Variants in PCLO observed in about 807,000 individuals in gnomAD.
PCLO encodes protein piccolo.
A neutral mutation model predicts 427.5 loss-of-function variants in PCLO; 82 were observed. The ratio of observed to expected loss-of-function variants is 0.19; its 90% CI spans 0.16 to 0.23. The LOEUF (loss-of-function observed/expected upper bound fraction) is 0.23, where lower values mean the gene tolerates loss of function less well. PCLO is among the 10% of genes least tolerant of loss of function. The pLI is 1.00. For synonymous variants in PCLO, 2,357 were observed against 2,155.4 expected (o/e 1.09, Z -2.59); for missense variants, 6,239 against 6,115.9 (o/e 1.02, Z -0.67).
In PCLO at chr7:82,951,709, C is replaced by A. The variant is rs767648557; in HGVS notation, c.9097+147G>T. 13 of 1,252,472 alleles carry A rather than the reference C, an allele frequency of 1.0e-5. 1 individual carries two copies. The highest frequency in any genetic ancestry group is 1.4e-5 in the Non-Finnish European group (13 of 931,880). The allele number at this position is 1,252,472 out of a possible 1,614,324, so 77.6% of individuals were successfully genotyped here. ...TTTAAAATGAAGGAACAAAAGCGCA[C>A]TTGTACTCCAAAATATGCTGCTATA... is the stretch of plus-strand genomic sequence containing the variant. On this transcript the variant is annotated intron_variant, in intron 5 of 24. Coordinates refer to ENST00000333891, the MANE Select transcript of PCLO (RefSeq NM_033026.6).
At chr7:82,975,904 C>T (rs997291101) in intron 3 of PCLO, among the ~76,000 whole-genome samples, 8 of 152,302 alleles carry the variant, frequency 5.3e-5, no homozygotes, top group South Asian at 2.1e-4. Flanking sequence ...TTCTCCTTTG[C>T]CTTCTGCCAT....
intron 8 of PCLO, among the ~76,000 whole-genome samples, chr7:82,908,607 T>C (rs774011169): frequency 4.6e-5 from 7 of 152,124 alleles, no homozygotes; most frequent in African/African-American, 1.7e-4. Context: ...TCTTCTTGTA[T>C]AGCTGTGCTG....
chr7:83,069,636 G>C (rs1419935319), intron 3 of PCLO, among the ~76,000 whole-genome samples: 3 of 152,108 alleles, frequency 2.0e-5, no homozygotes, highest in African/African-American at 7.2e-5. Context: ...TGCAGAGAAA[G>C]ATAATGAATG....
chr7:82,844,933 C>T (rs1022758656), intron 13 of PCLO, among the ~76,000 whole-genome samples: 1 of 151,988 alleles, frequency 6.6e-6, no homozygotes, highest in South Asian at 2.1e-4. Context: ...GTAATATGTA[C>T]CTTTTGTTCC....
intron 3 of PCLO, among the ~76,000 whole-genome samples, chr7:83,125,894 A>T (rs1352507423): frequency 6.6e-6 from 1 of 150,972 alleles, no homozygotes; most frequent in African/African-American, 2.4e-5. Context: ...ATACTAAAAA[A>T]ATTAAAAAAA....
chr7:82,948,307 G>C (rs1236463240), intron 6 of PCLO, among the ~76,000 whole-genome samples: 2 of 143,936 alleles, frequency 1.4e-5, no homozygotes, highest in Non-Finnish European at 3.1e-5. Flanking sequence ...AAAAAAAAAC[G>C]TAATAACGCA....
At chr7:82,908,839 TGA>T in intron 8 of PCLO, 36 bp downstream of exon 8, 1 of 1,574,692 alleles carries the variant, frequency 6.4e-7, no homozygotes, top group Non-Finnish European at 8.7e-7. Flanking sequence ...GAGTCTTTTT[TGA>T]TAAATCTAAA....
intron 22 of PCLO, among the ~76,000 whole-genome samples, chr7:82,799,097 C>A (rs138434794): frequency 6.6e-6 from 1 of 152,234 alleles, no homozygotes; most frequent in East Asian, 1.9e-4. Context: ...CAGCTGTTAA[C>A]ATTTATACTA....
rs1562877769 is a variant in PCLO, at chr7:82,951,862, T to C, written c.9091A>G (p.Thr3031Ala). The C allele has an allele frequency of 1.2e-6, 2 of 1,611,962 alleles. No homozygotes were observed. The highest frequency in any genetic ancestry group is 1.1e-5 in the South Asian group (1 of 90,968). Residue 3031 changes from threonine to alanine, a missense_variant, in exon 5 of 25, where the codon ACT (threonine) becomes GCT (alanine). Coordinates refer to ENST00000333891, the MANE Select transcript of PCLO (RefSeq NM_033026.6). ...GCTGCCACATCATACTGACCTGTAG[T>C]AACTCTCCCTGAAGTCAGATCTACT... ...TAVDLTSGRV[T>A]TGEVMDYSSK... is the part of the protein sequence containing the mutation.
chr7:83,065,633 T>C (rs1789651041), intron 3 of PCLO, among the ~76,000 whole-genome samples: 1 of 152,096 alleles, frequency 6.6e-6, no homozygotes, highest in Admixed American at 6.6e-5. Context: ...CATAATACAT[T>C]ATTTTAGATA....
At chr7:82,819,474 A>G (rs979277340) in intron 20 of PCLO, among the ~76,000 whole-genome samples, 1 of 73,114 alleles carries the variant, frequency 1.4e-5, no homozygotes, top group South Asian at 4.5e-4. Flanking sequence ...TTTATAATTG[A>G]AAGAATATTT....
chr7:82,901,078 A>G (rs1794026810), intron 9 of PCLO, among the ~76,000 whole-genome samples: 1 of 151,836 alleles, frequency 6.6e-6, no homozygotes. Flanking sequence ...CAGTGACTGT[A>G]TTTCTTAATA....
chr7:83,007,845 T>C (rs998693347), intron 3 of PCLO, among the ~76,000 whole-genome samples: 2 of 151,556 alleles, frequency 1.3e-5, no homozygotes, highest in Non-Finnish European at 3.0e-5. Context: ...GTTATTAGGA[T>C]TATGTGATAA....
intron 3 of PCLO, among the ~76,000 whole-genome samples, chr7:83,088,640 CATTGAATGCGG>C (rs1790299167): frequency 6.6e-6 from 1 of 152,176 alleles, no homozygotes; most frequent in Non-Finnish European, 1.5e-5. Context: ...TTTTCTTCCA[CATTGAATGCGG>C]ACCTCCTTGT....
Position 83,162,760 on chromosome 7 carries a change from T to G in PCLO, c.-168A>C. The stretch of plus-strand genomic sequence containing the variant: ...GCCGCCCGGAACGCCAGGCAGGGGT[T>G]AGTCCCGCTCGCAGGTAACGCCCGC... On this transcript the variant is annotated 5_prime_UTR_variant, in exon 1 of 25. An upstream open reading frame in the 5' UTR loses its in-frame stop. Transcript: ENST00000333891. 1.1e-5 allele frequency: 9 copies of G among 845,988 alleles called. No homozygotes were observed. Among genetic ancestry groups the G allele is most frequent in the Non-Finnish European group, 1.4e-5 (8 of 568,314 alleles). The allele number at this position is 845,988 out of a possible 1,614,324, so 52.4% of individuals were successfully genotyped here. A position where few individuals can be genotyped will look rare whatever the true frequency, so the allele number is the denominator to read the frequency against.
At chr7:82,783,723 T>C (rs192053565) in intron 22 of PCLO, among the ~76,000 whole-genome samples, 202 of 152,138 alleles carry the variant, frequency 1.3e-3, no homozygotes, top group South Asian at 8.9e-3. Context: ...AAAAATAATT[T>C]AGGCATAAGA....
chr7:83,119,833 A>G (rs2116556164), intron 3 of PCLO, among the ~76,000 whole-genome samples: 1 of 151,562 alleles, frequency 6.6e-6, no homozygotes, highest in Admixed American at 6.6e-5. Flanking sequence ...GAAAAAAAAA[A>G]AGCAAATATT....
chr7:82,821,656 A>T (rs78556922), intron 20 of PCLO: 1 of 971,784 alleles, frequency 1.0e-6, no homozygotes, highest in Non-Finnish European at 1.2e-6. Context: ...AGATAGGTCA[A>T]TTGTTATACT....
intron 22 of PCLO, among the ~76,000 whole-genome samples, chr7:82,779,282 G>T (rs1790819963): frequency 4.6e-5 from 7 of 152,028 alleles, no homozygotes; most frequent in Admixed American, 4.6e-4. Context: ...TTTTCTCTTT[G>T]TCTGGTTTTC....
Sources: allele counts gnomAD v4.1 joint callset (sites outside exome capture counted in the v4.1 genomes callset), GRCh38; gene constraint gnomAD v4.1.1; transcripts MANE v1.5; gene names NCBI Gene and HGNC (gene_info 2026-07-23, HGNC 2026-07-21).